Variants in INPP5J observed in about 807,000 individuals in gnomAD.
The protein encoded by INPP5J is inositol polyphosphate-5-phosphatase J, also known as phosphatidylinositol 4,5-bisphosphate 5-phosphatase A.
Under a neutral mutation model 86.6 loss-of-function variants are expected in INPP5J, and 75 were observed. That is an observed-to-expected ratio of 0.87 (90% CI 0.72 to 1.05). The LOEUF (loss-of-function observed/expected upper bound fraction) is 1.05, where lower values mean the gene tolerates loss of function less well. Ranked by LOEUF, INPP5J falls within the 50% of genes least tolerant of loss-of-function variation. The pLI is 0.00. For missense variants in INPP5J, 1,229 were observed against 1,341.2 expected, an observed-to-expected ratio of 0.92 and a Z score of 1.31; for synonymous variants, 540 against 550.0, an observed-to-expected ratio of 0.98 and a Z score of 0.25.
At chr22:31,131,847 G>A (rs1383390179) in intron 9 of INPP5J, among the ~76,000 whole-genome samples, 3 of 152,208 alleles carry the variant, frequency 2.0e-5, no homozygotes, top group Non-Finnish European at 4.4e-5. Context: ...ACAGGAACAG[G>A]GAAAGAATGT....
chr22:31,124,324 T>G lies in INPP5J; in HGVS notation c.106-521T>G, dbSNP rs1013784624. The G allele has an allele frequency of 4.0e-6, 4 of 987,862 alleles. No homozygotes were observed. In the African/African-American group the frequency reaches 7.0e-5, roughly 17 times the overall value. 61.2% of individuals were successfully genotyped at this position (987,862 alleles called of 1,614,324 possible). On this transcript the variant is annotated intron_variant, in intron 1 of 12. Coordinates refer to ENST00000331075, the MANE Select transcript of INPP5J (RefSeq NM_001284285.2). ...GGATGTTTAGGGGGCGGTGGGGAACTGAGGGTTTCTGGGCATTATGAAGGA... is the reference window on the plus strand; with the variant it reads ...GGATGTTTAGGGGGCGGTGGGGAACGGAGGGTTTCTGGGCATTATGAAGGA...
Position 31,133,200 on chromosome 22 carries a change from G to T in INPP5J, c.2296G>T (p.Ala766Ser), listed in dbSNP as rs372640735. The T allele has an allele frequency of 2.5e-5, 40 of 1,602,094 alleles. No individual in the cohort carries two copies. The African/African-American group carries it at 4.5e-4, about 18-fold the overall frequency. ...GAGGTACCGCATGGAAACAGTGTTC[G>T]CCCGCAGCTCCTGGGACTGGATCGG... ...VVRYRMETVF[A>S]RSSWDWIGLY... The change falls in exon 10 of 13, where the codon GCC (alanine) becomes TCC (serine). Residue 766 changes from alanine to serine, a missense_variant. Physicochemically the swap from Ala to Ser is moderately conservative, Grantham distance 99 (BLOSUM62 1). Transcript: ENST00000331075.
intron 2 of INPP5J, 123 bp downstream of exon 2, chr22:31,126,133 G>A: frequency 9.6e-7 from 1 of 1,041,676 alleles, no homozygotes; most frequent in Non-Finnish European, 1.4e-6. Flanking sequence ...TGGGGAGGGG[G>A]TTGCTGGGCC....
At chr22:31,123,437 AG>A (rs1044404906) in intron 1 of INPP5J, among the ~76,000 whole-genome samples, 6 of 151,998 alleles carry the variant, frequency 3.9e-5, no homozygotes, top group Non-Finnish European at 8.8e-5. Flanking sequence ...ATGCAAAATG[AG>A]GGGGCTTGTC....
At chr22:31,126,580 A>C (rs998808607) in intron 3 of INPP5J, 33 bp from the exon 4 acceptor site, 21 of 1,604,694 alleles carry the variant, frequency 1.3e-5, no homozygotes, top group Non-Finnish European at 1.7e-5. Flanking sequence ...GCACCTCTCC[A>C]ATCCCATGGC....
chr22:31,133,783 C>G (rs781325331), intron 12 of INPP5J, 69 bp downstream of exon 12: 3 of 1,568,736 alleles, frequency 1.9e-6, no homozygotes, highest in African/African-American at 2.7e-5. Flanking sequence ...CCTCTACATT[C>G]TGCTCCTTGA....
At chr22:31,124,740 G>C in intron 1 of INPP5J, 105 bp from the exon 2 acceptor site, 1 of 950,158 alleles carries the variant, frequency 1.1e-6, no homozygotes, top group Non-Finnish European at 1.6e-6. Flanking sequence ...TCCTTGGAAA[G>C]ATGTGCCTTT....
chr22:31,126,329 T>A, intron 2 of INPP5J, 47 bp from the exon 3 acceptor site: 1 of 1,449,732 alleles, frequency 6.9e-7, no homozygotes, highest in Non-Finnish European at 9.6e-7. Context: ...AGCTTGAGGG[T>A]GAGGGAGTGG....
intron 6 of INPP5J, 55 bp from the exon 7 acceptor site, chr22:31,127,896 C>A: frequency 9.8e-7 from 1 of 1,020,196 alleles, no homozygotes; most frequent in Non-Finnish European, 1.5e-6. Context: ...CCTCCATGGA[C>A]CTGTTGACAC....
In INPP5J at chr22:31,125,794, C is replaced by G; in HGVS notation, c.1055C>G (p.Pro352Arg). The G allele has an allele frequency of 6.4e-7, 1 of 1,574,668 alleles. No homozygotes were observed. The highest frequency in any genetic ancestry group is 8.6e-7 in the Non-Finnish European group (1 of 1,160,748). The change falls in exon 2 of 13, where the codon CCA (proline) becomes CGA (arginine). Residue 352 changes from proline (P) to arginine (R), a missense_variant. Pro to Arg is a moderately radical substitution (Grantham distance 103, BLOSUM62 -2). Coordinates refer to ENST00000331075, the MANE Select transcript of INPP5J (RefSeq NM_001284285.2). Reference protein sequence around the residue: ...PKPPRSPSRSPSHSPNRSPCV... With the variant: ...PKPPRSPSRSRSHSPNRSPCV... ...CCACCCCGATCACCCAGCCGTTCCCCAAGCCACTCCCCGAATCGCTCTCCC... is the reference window on the plus strand; with the variant it reads ...CCACCCCGATCACCCAGCCGTTCCCGAAGCCACTCCCCGAATCGCTCTCCC...
intron 6 of INPP5J, 36 bp from the exon 7 acceptor site, chr22:31,127,915 G>GGC: frequency 8.7e-7 from 1 of 1,147,382 alleles, no homozygotes; most frequent in Non-Finnish European, 1.3e-6. Context: ...ACCCCCCACT[G>GGC]CCCCCCACAT....
At position 31,123,077 on chromosome 22, in the gene INPP5J, G is replaced by T; in HGVS notation, c.63G>T (p.Leu21=). The T allele has an allele frequency of 6.7e-7, 1 of 1,485,400 alleles. No individual in the cohort carries two copies. The highest frequency in any genetic ancestry group is 8.9e-7 in the Non-Finnish European group (1 of 1,121,068). 92.0% of individuals were successfully genotyped at this position (1,485,400 alleles called of 1,614,324 possible). Residue 21 remains leucine, a synonymous_variant, in exon 1 of 13, where the codon CTG becomes CTT. Transcript: ENST00000331075. ...GGACCCGGGCTGGCCTGGGTTCCCT[G>T]CCCATGCCCCAGGGTGTTGCCCAAA... The part of the protein sequence containing the change: ...RPGTRAGLGS[L]PMPQGVAQTG...
Position 31,133,923 on chromosome 22 carries a change from C to T in INPP5J, c.2525C>T (p.Pro842Leu). 1 of 1,610,898 alleles carries T rather than the reference C, an allele frequency of 6.2e-7. No individual in the cohort carries two copies. The highest frequency in any genetic ancestry group is 8.5e-7 in the Non-Finnish European group (1 of 1,177,940). The change falls in exon 13 of 13, where the codon CCT (proline) becomes CTT (leucine). Residue 842 changes from proline to leucine, a missense_variant. By Grantham distance (98) the Pro-to-Leu change is moderately conservative. Transcript: ENST00000331075. Reference sequence around the variant, plus strand: ...CAGCATTTCCCCCAGATCTCGCTGCCTTCCTCGGAGTTGGCCAGCAGCAGC... The same window carrying T: ...CAGCATTTCCCCCAGATCTCGCTGCTTTCCTCGGAGTTGGCCAGCAGCAGC... ...GITEPFQISL[P>L]SSELASSSTD... is the part of the protein sequence containing the mutation.
intron 9 of INPP5J, among the ~76,000 whole-genome samples, chr22:31,129,761 C>T (rs1376071475): frequency 2.7e-5 from 4 of 149,038 alleles, no homozygotes; most frequent in African/African-American, 4.9e-5. Context: ...AGGCTGGTCT[C>T]GAACTCCTGA....
Position 31,128,219 on chromosome 22 carries a change from C to T in INPP5J, c.1905C>T (p.Asn635=), listed in dbSNP as rs551179075. Residue 635 remains asparagine, a synonymous_variant, in exon 8 of 13, where the codon AAC becomes AAT. Transcript: ENST00000331075. ...LHQLWEKDQL[N]MAKNTWPILK... is the part of the protein sequence containing the mutation. ...CTCTCCTGGACCCCCCACAGCTCAACATGGCCAAGAACACCTGGCCCATTC... is the reference window on the plus strand; with the variant it reads ...CTCTCCTGGACCCCCCACAGCTCAATATGGCCAAGAACACCTGGCCCATTC... The T allele has an allele frequency of 1.3e-6, 2 of 1,592,748 alleles. No individual in the cohort carries two copies. Among genetic ancestry groups the T allele is most frequent in the East Asian group, 2.3e-5 (1 of 43,958 alleles).
In INPP5J at chr22:31,128,336, C is replaced by T. The variant is rs754703862; in HGVS notation, c.2009+13C>T. On this transcript the variant is annotated intron_variant, in intron 8 of 12. Coordinates refer to ENST00000331075, the MANE Select transcript of INPP5J (RefSeq NM_001284285.2). ...AATACGATACCAGGTGAGCTCAGTC[C>T]GAGGAGGGACTGAGGGGAAGTGGGC... The T allele has an allele frequency of 2.6e-5, 41 of 1,579,810 alleles. No individual in the cohort carries two copies. The highest frequency in any genetic ancestry group is 4.6e-5 in the South Asian group (4 of 87,360).
intron 9 of INPP5J, among the ~76,000 whole-genome samples, chr22:31,131,307 G>A (rs1013839334): frequency 2.0e-5 from 3 of 152,154 alleles, no homozygotes; most frequent in Non-Finnish European, 2.9e-5. Context: ...GCTCACGCCT[G>A]TAATCCCAGC....
intron 1 of INPP5J, chr22:31,124,191 A>G (rs1175056832): frequency 3.3e-6 from 3 of 918,434 alleles, no homozygotes; most frequent in Non-Finnish European, 3.9e-6. Context: ...AAGGTCACAC[A>G]GAGCTGGGCT....
intron 1 of INPP5J, among the ~76,000 whole-genome samples, chr22:31,124,513 G>T (rs1921162384): frequency 6.6e-6 from 1 of 152,218 alleles, no homozygotes. Context: ...CAGGGAAGCT[G>T]CCCCGAATGG....
Sources: allele counts gnomAD v4.1 joint callset (sites outside exome capture counted in the v4.1 genomes callset), GRCh38; gene constraint gnomAD v4.1.1; transcripts MANE v1.5; gene names NCBI Gene and HGNC (gene_info 2026-07-23, HGNC 2026-07-21).